The following DEPDC1B variants were observed in gnomAD, a reference collection of about 807,000 sequenced individuals.
DEPDC1B encodes the protein DEP domain containing 1B, also known as DEP domain-containing protein 1B.
In DEPDC1B, 51 loss-of-function variants were observed where a neutral mutation model predicts 66.5. That is an observed-to-expected ratio of 0.77 (90% confidence interval 0.61 to 0.97). DEPDC1B has a LOEUF of 0.97. Ranked by LOEUF, DEPDC1B falls within the 50% of genes least tolerant of loss-of-function variation. DEPDC1B has a pLI of 0.00. For synonymous variants in DEPDC1B, 226 were observed against 223.6 expected, an observed-to-expected ratio of 1.01 and a Z score of -0.10; for missense variants, 552 against 637.1, an observed-to-expected ratio of 0.87 and a Z score of 1.44.
chr5:60,617,453 C>G (rs1452367995), intron 7 of DEPDC1B, among the ~76,000 whole-genome samples: 2 of 152,046 alleles, frequency 1.3e-5, no homozygotes, highest in African/African-American at 4.8e-5. Context: ...ATCTGCGAAG[C>G]AAATGGAAAA....
chr5:60,599,120 T>G lies in DEPDC1B; in HGVS notation c.1383A>C (p.Thr461=), dbSNP rs766658194. The change falls in exon 10 of 11, where the codon ACA becomes ACC. Residue 461 remains threonine (T), a synonymous_variant. Coordinates refer to ENST00000265036, the MANE Select transcript of DEPDC1B (RefSeq NM_018369.3). ...PLAALLEEVI[T]DAKLSNKEKK... is the part of the protein sequence containing the mutation. ...TCTCTTTGTTGGAGAGTTTGGCATC[T>G]GTTATGACTTCCTCCAACAAGGCTG... 29 of 1,608,266 alleles carry G rather than the reference T, an allele frequency of 1.8e-5. No individual in the cohort carries two copies. The Admixed American group carries it at 4.9e-4, about 27-fold the overall frequency.
intron 6 of DEPDC1B, 38 bp from the exon 7 acceptor site, chr5:60,638,928 G>A (rs751781074): frequency 6.2e-7 from 1 of 1,600,264 alleles, no homozygotes; most frequent in East Asian, 2.2e-5. Flanking sequence ...AACATTAATG[G>A]AGTAATTACC....
At chr5:60,671,463 T>G (rs1197341616) in intron 2 of DEPDC1B, among the ~76,000 whole-genome samples, 1 of 152,200 alleles carries the variant, frequency 6.6e-6, no homozygotes, top group Non-Finnish European at 1.5e-5. Flanking sequence ...AGCAAGGTAA[T>G]GAGCCAAGAT....
intron 7 of DEPDC1B, among the ~76,000 whole-genome samples, chr5:60,619,839 C>T (rs1046760786): frequency 7.9e-5 from 12 of 152,174 alleles, no homozygotes; most frequent in South Asian, 2.1e-4. Context: ...CAAATCAATC[C>T]TAAGCCAAAA....
At chr5:60,599,034 T>G (rs1375198431) in intron 10 of DEPDC1B, 41 bp downstream of exon 10, 1 of 1,487,938 alleles carries the variant, frequency 6.7e-7, no homozygotes, top group Non-Finnish European at 9.0e-7. Context: ...ATAAAAACAG[T>G]AGGGAGGAGA....
chr5:60,675,057 T>A (rs921147803), intron 2 of DEPDC1B, among the ~76,000 whole-genome samples: 1 of 152,086 alleles, frequency 6.6e-6, no homozygotes, highest in African/African-American at 2.4e-5. Context: ...CCCCTTTGCA[T>A]GCCTCATTCA....
At chr5:60,644,024 A>G (rs1431092524) in intron 5 of DEPDC1B, among the ~76,000 whole-genome samples, 1 of 152,208 alleles carries the variant, frequency 6.6e-6, no homozygotes, top group Non-Finnish European at 1.5e-5. Flanking sequence ...CCATCTTCCC[A>G]CATCCAAAGA....
chr5:60,665,481 A>G (rs1394194308), intron 2 of DEPDC1B, among the ~76,000 whole-genome samples: 2 of 152,190 alleles, frequency 1.3e-5, no homozygotes, highest in Non-Finnish European at 2.9e-5. Flanking sequence ...TCGTTCTTCA[A>G]ATGGAGCCCC....
At chr5:60,638,151 A>G (rs1255331939) in intron 7 of DEPDC1B, among the ~76,000 whole-genome samples, 2 of 152,250 alleles carry the variant, frequency 1.3e-5, no homozygotes, top group Non-Finnish European at 2.9e-5. Context: ...TCTGATTTCC[A>G]AGAAGAAAGG....
intron 1 of DEPDC1B, among the ~76,000 whole-genome samples, chr5:60,697,947 T>G (rs940946730): frequency 2.0e-5 from 3 of 152,178 alleles, no homozygotes; most frequent in African/African-American, 7.2e-5. Flanking sequence ...TATCTATATA[T>G]GGACCCTCTG....
At chr5:60,613,122 G>T (rs563342093) in intron 7 of DEPDC1B, among the ~76,000 whole-genome samples, 7 of 152,286 alleles carry the variant, frequency 4.6e-5, no homozygotes, top group Admixed American at 2.0e-4. Flanking sequence ...CCCTTACAAA[G>T]TCTGCATAAC....
intron 2 of DEPDC1B, among the ~76,000 whole-genome samples, chr5:60,649,131 C>G (rs1484708803): frequency 1.3e-5 from 2 of 152,108 alleles, no homozygotes; most frequent in Non-Finnish European, 2.9e-5. Context: ...AATTTTTGGA[C>G]CTGAATTCCA....
chr5:60,629,014 A>C (rs1027524872), intron 7 of DEPDC1B, among the ~76,000 whole-genome samples: 10 of 152,120 alleles, frequency 6.6e-5, no homozygotes, highest in African/African-American at 2.4e-4. Context: ...GACCCGACTG[A>C]GGGGGTGCCA....
At chr5:60,608,745 AATT>A (rs1294006314) in intron 7 of DEPDC1B, among the ~76,000 whole-genome samples, 1 of 152,128 alleles carries the variant, frequency 6.6e-6, no homozygotes, top group Non-Finnish European at 1.5e-5. Context: ...CTTTTCAAAA[AATT>A]ATTACTAAAC....
rs1421698349 is a variant in DEPDC1B at position 60,700,120 on chromosome 5, C to A, written c.-27G>T. 1 of 1,538,614 alleles carries A rather than the reference C, an allele frequency of 6.5e-7. No homozygotes were observed. The highest frequency in any genetic ancestry group is 8.7e-7 in the Non-Finnish European group (1 of 1,145,036). Reference sequence around the variant, plus strand: ...GCGCGTAGGCAGCAGCGGCCGCAGCCGCGCCAGCGCTGATCCCCGCCAGCC... The same window carrying A: ...GCGCGTAGGCAGCAGCGGCCGCAGCAGCGCCAGCGCTGATCCCCGCCAGCC... On this transcript the variant is annotated 5_prime_UTR_variant, in exon 1 of 11. Coordinates refer to ENST00000265036, the MANE Select transcript of DEPDC1B (RefSeq NM_018369.3).
At chr5:60,632,522 T>C (rs950881520) in intron 7 of DEPDC1B, among the ~76,000 whole-genome samples, 1 of 152,230 alleles carries the variant, frequency 6.6e-6, no homozygotes, top group African/African-American at 2.4e-5. Flanking sequence ...GCCCAGAATA[T>C]CCAGCTCCTG....
At chr5:60,687,383 CTAAT>C (rs905399240) in intron 1 of DEPDC1B, among the ~76,000 whole-genome samples, 156 bp from the exon 2 acceptor site, 2 of 151,952 alleles carry the variant, frequency 1.3e-5, no homozygotes, top group Non-Finnish European at 2.9e-5. Context: ...GCTTCAAACT[CTAAT>C]AAAGAAAAGT....
intron 7 of DEPDC1B, among the ~76,000 whole-genome samples, chr5:60,618,920 C>A (rs1455739877): frequency 6.6e-6 from 1 of 152,190 alleles, no homozygotes; most frequent in African/African-American, 2.4e-5. Flanking sequence ...TCCAGCAGCA[C>A]ATCAAAAAGC....
chr5:60,661,052 T>C (rs544492676), intron 2 of DEPDC1B, among the ~76,000 whole-genome samples: 1 of 152,322 alleles, frequency 6.6e-6, no homozygotes, highest in South Asian at 2.1e-4. Flanking sequence ...AAAAAAACTC[T>C]ATCTCAATCC....
Sources: gnomAD v4.1 joint callset for allele counts (sites outside exome capture counted in the v4.1 genomes callset) on GRCh38, gnomAD v4.1.1 for gene constraint, MANE v1.5 for transcripts, NCBI Gene and HGNC (gene_info 2026-07-23, HGNC 2026-07-21) for gene names.